Variants in DGKB observed in about 807,000 individuals in gnomAD.
DGKB encodes diacylglycerol kinase beta.
Under a neutral mutation model 114.3 loss-of-function variants are expected in DGKB, and 67 were observed. That is an observed-to-expected ratio of 0.59 (90% CI 0.48 to 0.72). The LOEUF (loss-of-function observed/expected upper bound fraction) is 0.72. DGKB is among the 30% of genes least tolerant of loss of function. The pLI, the probability that DGKB is intolerant of heterozygous loss-of-function variation, is 0.00. For synonymous variants in DGKB, 398 were observed against 323.1 expected, an observed-to-expected ratio of 1.23 and a Z score of -2.49; for missense variants, 907 against 975.2, an observed-to-expected ratio of 0.93 and a Z score of 0.93.
chr7:14,229,189 A>G (rs1562678092), intron 23 of DGKB, among the ~76,000 whole-genome samples: 1 of 152,044 alleles, frequency 6.6e-6, no homozygotes, highest in Non-Finnish European at 1.5e-5. Flanking sequence ...TATTGTGTTT[A>G]TAATATGTGG....
chr7:14,212,305 ACTCTCATGTTTTGTGAT>A lies in DGKB; in HGVS notation c.2123-34171_2123-34155del, dbSNP rs1339503326. On this transcript the variant is annotated intron_variant, in intron 23 of 25. Coordinates refer to ENST00000402815, the MANE Select transcript of DGKB (RefSeq NM_001350709.2). The stretch of plus-strand genomic sequence containing the variant: ...TTTTACTCTCATGTTTTGTGATTTT[ACTCTCATGTTTTGTGAT>A]TTTACTCTCATGTTTTGTGATATTT... 6.2e-4 allele frequency among the ~76,000 whole-genome samples: 9 copies of A among 14,520 alleles called. 2 individuals are homozygous for A. Among genetic ancestry groups the A allele is most frequent in the Non-Finnish European group, 4.1e-4 (4 of 9,676 alleles). 9.5% of individuals were successfully genotyped at this position (14,520 alleles called of 152,430 possible). A position where few individuals can be genotyped will look rare whatever the true frequency, so the allele number is the denominator to read the frequency against.
At chr7:14,463,467 C>G (rs1833389850) in intron 21 of DGKB, among the ~76,000 whole-genome samples, 1 of 152,048 alleles carries the variant, frequency 6.6e-6, no homozygotes, top group African/African-American at 2.4e-5. Context: ...CAGCACTATC[C>G]CATCACTGCA....
At chr7:14,864,592 A>G (rs543919806) in intron 1 of DGKB, among the ~76,000 whole-genome samples, 2 of 152,226 alleles carry the variant, frequency 1.3e-5, no homozygotes, top group Non-Finnish European at 2.9e-5. Context: ...ATTGAGTGAT[A>G]GGAAACAATT....
intron 23 of DGKB, among the ~76,000 whole-genome samples, chr7:14,214,162 C>T (rs904062662): frequency 6.6e-6 from 1 of 152,132 alleles, no homozygotes; most frequent in Non-Finnish European, 1.5e-5. Context: ...TGGCTTCCTT[C>T]CTTAAAAACA....
chr7:14,188,552 T>C (rs1246188312), intron 23 of DGKB, among the ~76,000 whole-genome samples: 5 of 138,834 alleles, frequency 3.6e-5, no homozygotes, highest in Non-Finnish European at 7.7e-5. Context: ...CCCAGCTACT[T>C]GGGAGGCTGA....
At chr7:14,770,556 T>C (rs771255254) in intron 2 of DGKB, among the ~76,000 whole-genome samples, 1 of 152,140 alleles carries the variant, frequency 6.6e-6, no homozygotes, top group Non-Finnish European at 1.5e-5. Flanking sequence ...AAGTTTTCTG[T>C]AACCATTCAT....
At chr7:14,285,669 G>C (rs2128463390) in intron 23 of DGKB, among the ~76,000 whole-genome samples, 1 of 152,212 alleles carries the variant, frequency 6.6e-6, no homozygotes, top group East Asian at 1.9e-4. Context: ...TGTGCCAAAG[G>C]ATAGATATGA....
At chr7:14,923,594 T>G (rs1192895956) in intron 1 of DGKB, among the ~76,000 whole-genome samples, 4 of 152,198 alleles carry the variant, frequency 2.6e-5, no homozygotes, top group African/African-American at 9.7e-5. Flanking sequence ...ATTTCCTCCT[T>G]GAAACATTGT....
intron 3 of DGKB, among the ~76,000 whole-genome samples, chr7:14,757,037 A>T (rs966295358): frequency 6.6e-6 from 1 of 152,100 alleles, no homozygotes. Context: ...TTTCATAAGA[A>T]AATCTTAAAG....
chr7:14,385,793 G>A (rs933004949), intron 21 of DGKB, among the ~76,000 whole-genome samples: 8 of 152,184 alleles, frequency 5.3e-5, no homozygotes, highest in Non-Finnish European at 8.8e-5. Context: ...ATAAGATCTA[G>A]CAGTAGGTCT....
intron 23 of DGKB, among the ~76,000 whole-genome samples, chr7:14,200,178 C>T (rs1785622021): frequency 6.6e-6 from 1 of 152,066 alleles, no homozygotes; most frequent in South Asian, 2.1e-4. Context: ...TTAATACTTT[C>T]TCTTATGTTG....
intron 1 of DGKB, among the ~76,000 whole-genome samples, chr7:14,868,366 C>T (rs1196798089): frequency 1.4e-5 from 2 of 145,716 alleles, no homozygotes; most frequent in Non-Finnish European, 3.0e-5. Context: ...GATGGCATCT[C>T]TCTCTGTCAC....
intron 13 of DGKB, among the ~76,000 whole-genome samples, chr7:14,655,641 C>T (rs1345559116): frequency 6.6e-6 from 1 of 151,558 alleles, no homozygotes; most frequent in Non-Finnish European, 1.5e-5. Flanking sequence ...ACCTAAATGT[C>T]CATCAATAGA....
intron 13 of DGKB, among the ~76,000 whole-genome samples, chr7:14,652,879 T>A (rs1196322369): frequency 6.6e-6 from 1 of 152,152 alleles, no homozygotes; most frequent in Non-Finnish European, 1.5e-5. Context: ...AAGACATTTA[T>A]GCAGCCAAAA....
intron 25 of DGKB, among the ~76,000 whole-genome samples, chr7:14,174,301 T>C (rs1584247619): frequency 6.6e-6 from 1 of 152,328 alleles, no homozygotes; most frequent in African/African-American, 2.4e-5. Flanking sequence ...TTAACCTTTG[T>C]CTTCCTCAGT....
At chr7:14,973,285 T>G (rs902310799) in intron 1 of DGKB, among the ~76,000 whole-genome samples, 4 of 151,936 alleles carry the variant, frequency 2.6e-5, no homozygotes, top group Non-Finnish European at 5.9e-5. Flanking sequence ...ATTCAAAACA[T>G]TTTTAATTGA....
intron 23 of DGKB, among the ~76,000 whole-genome samples, chr7:14,193,673 A>G (rs76240181): frequency 0.016 from 2,495 of 152,324 alleles, 163 homozygotes; most frequent in Admixed American, 0.11. Flanking sequence ...AAGCACAGAC[A>G]ACGAAAGCAA....
At chr7:14,688,491 A>T (rs1170919666) in intron 9 of DGKB, among the ~76,000 whole-genome samples, 1 of 152,058 alleles carries the variant, frequency 6.6e-6, no homozygotes, top group Non-Finnish European at 1.5e-5. Flanking sequence ...AAATATTATC[A>T]CCCTCATTGG....
intron 21 of DGKB, among the ~76,000 whole-genome samples, chr7:14,388,237 G>A (rs549443748): frequency 7.0e-6 from 1 of 142,260 alleles, no homozygotes; most frequent in Non-Finnish European, 1.5e-5. Flanking sequence ...CTGCAGATTT[G>A]GTAAAATGAT....
Sources: allele counts gnomAD v4.1 joint callset (sites outside exome capture counted in the v4.1 genomes callset), GRCh38; gene constraint gnomAD v4.1.1; transcripts MANE v1.5; gene names NCBI Gene and HGNC (gene_info 2026-07-23, HGNC 2026-07-21).